The following ATG13 variants were observed in gnomAD, a reference collection of about 807,000 sequenced individuals.
ATG13 encodes autophagy related 13, also known as autophagy-related protein 13.
In ATG13, 23 loss-of-function variants were observed where a neutral mutation model predicts 65.5. The observed-to-expected ratio is 0.35, with a 90% CI of 0.25 to 0.50. The LOEUF (loss-of-function observed/expected upper bound fraction) is 0.50. Among genes scored for constraint, ATG13 ranks in the 20% least tolerant of loss-of-function variants. The pLI, the probability that ATG13 is intolerant of heterozygous loss-of-function variation, is 0.98. For missense variants in ATG13, 566 were observed against 677.0 expected, an observed-to-expected ratio of 0.84 and a Z score of 1.82; for synonymous variants, 252 against 245.2, an observed-to-expected ratio of 1.03 and a Z score of -0.26.
intron 2 of ATG13, among the ~76,000 whole-genome samples, chr11:46,639,251 G>T (rs755123977): frequency 2.6e-5 from 4 of 152,186 alleles, no homozygotes; most frequent in Non-Finnish European, 4.4e-5. Flanking sequence ...CTCCCACAGT[G>T]CTGGGATTAT....
intron 1 of ATG13, among the ~76,000 whole-genome samples, chr11:46,619,432 T>TAG: frequency 7.4e-6 from 1 of 136,006 alleles, no homozygotes; most frequent in South Asian, 2.6e-4. Context: ...TTGCCCAGGC[T>TAG]AGAGTGCGGT....
At chr11:46,669,806 A>G (rs986335641) in intron 18 of ATG13, among the ~76,000 whole-genome samples, 3 of 152,084 alleles carry the variant, frequency 2.0e-5, no homozygotes, top group Non-Finnish European at 4.4e-5. Context: ...TGCAGATGCC[A>G]CTAGGCCAAG....
intron 1 of ATG13, among the ~76,000 whole-genome samples, chr11:46,622,985 ATTCTAGCTGT>A (rs1286081985): frequency 1.3e-5 from 2 of 152,306 alleles, no homozygotes; most frequent in East Asian, 3.9e-4. Context: ...TAGAGTCATC[ATTCTAGCTGT>A]TTGAAAAAGT....
chr11:46,672,641 T>TC lies in ATG13; in HGVS notation c.*310dup. The TC allele has an allele frequency of 4.3e-6, 6 of 1,396,620 alleles. No individual in the cohort carries two copies. The highest frequency in any genetic ancestry group is 5.7e-6 in the Non-Finnish European group (6 of 1,052,936). The allele number at this position is 1,396,620 out of a possible 1,614,324, so 86.5% of individuals were successfully genotyped here. A position where few individuals can be genotyped will look rare whatever the true frequency, so the allele number is the denominator to read the frequency against. On this transcript the variant is annotated 3_prime_UTR_variant, in exon 19 of 19. Coordinates refer to ENST00000683050, the MANE Select transcript of ATG13 (RefSeq NM_001346311.2). ...CATCACCAACTGCTTCCCAAGGGTG[T>TC]CATCCTGTTCCTCCTGCTGCCGGCC...
chr11:46,672,594 A>G lies in ATG13; in HGVS notation c.*262A>G. ...ACCTTCGTACGAAAAAGCCCTCAGC[A>G]GGGCCATCTGTGTGCCCTGCCCATC... is the stretch of plus-strand genomic sequence containing the variant. On this transcript the variant is annotated 3_prime_UTR_variant, in exon 19 of 19. Coordinates refer to ENST00000683050, the MANE Select transcript of ATG13 (RefSeq NM_001346311.2). 4.9e-6 allele frequency: 7 copies of G among 1,423,156 alleles called. No homozygotes were observed. The highest frequency in any genetic ancestry group is 6.5e-6 in the Non-Finnish European group (7 of 1,076,218). 88.2% of individuals were successfully genotyped at this position (1,423,156 alleles called of 1,614,324 possible).
At chr11:46,664,248 A>G in intron 12 of ATG13, 153 bp downstream of exon 12, 1 of 590,970 alleles carries the variant, frequency 1.7e-6, no homozygotes, top group South Asian at 2.4e-5. Context: ...GGACACAGCC[A>G]CGGCCCAACA....
At chr11:46,644,801 G>A (rs2057105574) in intron 3 of ATG13, among the ~76,000 whole-genome samples, 1 of 152,080 alleles carries the variant, frequency 6.6e-6, no homozygotes, top group Non-Finnish European at 1.5e-5. Flanking sequence ...AATTTTGAAT[G>A]CCATATTTTC....
intron 6 of ATG13, among the ~76,000 whole-genome samples, chr11:46,649,551 C>T (rs984041059): frequency 1.3e-5 from 2 of 152,162 alleles, no homozygotes; most frequent in African/African-American, 4.8e-5. Context: ...ATAAGATTTC[C>T]CCTCCCTGCT....
chr11:46,633,024 A>ATTTTTTTT (rs1459397049), intron 2 of ATG13, among the ~76,000 whole-genome samples: 2 of 99,878 alleles, frequency 2.0e-5, no homozygotes, highest in African/African-American at 1.3e-4. Context: ...ATATATATAT[A>ATTTTTTTT]TATTTTTTTT....
rs1200291434 is a variant in ATG13 at position 46,674,514 on chromosome 11, C to T, written c.*2182C>T. On this transcript the variant is annotated 3_prime_UTR_variant, in exon 19 of 19. Coordinates refer to ENST00000683050, the MANE Select transcript of ATG13 (RefSeq NM_001346311.2). ...GATTTCCAATAAATTTTTTTCTGTA[C>T]TTTACAGCCTCCTGTCCTGTAGGTT... 2.6e-5 allele frequency: 4 copies of T among 152,168 alleles called. No individual in the cohort carries two copies. The highest frequency in any genetic ancestry group is 4.4e-5 in the Non-Finnish European group (3 of 68,048). 9.4% of individuals were successfully genotyped at this position (152,168 alleles called of 1,614,324 possible). A position where few individuals can be genotyped will look rare whatever the true frequency, so the allele number is the denominator to read the frequency against.
At chr11:46,652,523 TG>T (rs1433452194) in intron 7 of ATG13, among the ~76,000 whole-genome samples, 1 of 152,142 alleles carries the variant, frequency 6.6e-6, no homozygotes, top group Non-Finnish European at 1.5e-5. Flanking sequence ...GAGACCAGCC[TG>T]GGCAACATAG....
At chr11:46,646,026 C>T in intron 5 of ATG13, 37 bp downstream of exon 5, 1 of 1,612,494 alleles carries the variant, frequency 6.2e-7, no homozygotes, top group African/African-American at 1.3e-5. Flanking sequence ...TCATTTAGCA[C>T]TGAAGGCTCC....
chr11:46,670,373 C>T (rs1162885784), intron 18 of ATG13, among the ~76,000 whole-genome samples: 6 of 150,042 alleles, frequency 4.0e-5, no homozygotes, highest in East Asian at 2.0e-4. Context: ...CCCAGCCACT[C>T]GGGAGGCAGA....
chr11:46,629,489 T>C (rs1458881280), intron 1 of ATG13, among the ~76,000 whole-genome samples: 6 of 152,050 alleles, frequency 3.9e-5, no homozygotes, highest in Non-Finnish European at 7.4e-5. Context: ...CTCTGCCTCC[T>C]GAGTTGAAGC....
intron 1 of ATG13, among the ~76,000 whole-genome samples, chr11:46,622,114 TATATATATATA>T (rs1565398542): frequency 4.9e-4 from 44 of 89,126 alleles, no homozygotes; most frequent in African/African-American, 1.8e-3. Flanking sequence ...TATATATATA[TATATATATATA>T]TATTTATTTT....
intron 16 of ATG13, 57 bp from the exon 17 acceptor site, chr11:46,668,737 C>A (rs964208808): frequency 6.6e-7 from 1 of 1,520,160 alleles, no homozygotes; most frequent in Non-Finnish European, 9.1e-7. Flanking sequence ...AGATTGTTTA[C>A]AGTAACTTGA....
chr11:46,634,300 A>G (rs533842763), intron 2 of ATG13, among the ~76,000 whole-genome samples: 1 of 151,696 alleles, frequency 6.6e-6, no homozygotes, highest in African/African-American at 2.4e-5. Flanking sequence ...GGGTTTCACC[A>G]TGTTGGCCAG....
At chr11:46,660,731 CAG>C (rs1278063456) in intron 11 of ATG13, among the ~76,000 whole-genome samples, 5 of 145,778 alleles carry the variant, frequency 3.4e-5, no homozygotes, top group African/African-American at 1.3e-4. Flanking sequence ...TAATTTGAAA[CAG>C]GGTCTCACTC....
intron 1 of ATG13, chr11:46,618,242 T>TA (rs1172542962): frequency 1.0e-5 from 2 of 200,294 alleles, no homozygotes; most frequent in Non-Finnish European, 2.0e-5. Flanking sequence ...GAGTGCCAAA[T>TA]ATGTACTCCG....
Sources: allele counts gnomAD v4.1 joint callset (sites outside exome capture counted in the v4.1 genomes callset), GRCh38; gene constraint gnomAD v4.1.1; transcripts MANE v1.5; gene names NCBI Gene and HGNC (gene_info 2026-07-23, HGNC 2026-07-21).